Variants in SSBP2 observed in about 807,000 individuals in gnomAD.
The protein encoded by SSBP2 is single stranded DNA binding protein 2, also known as single-stranded DNA-binding protein 2.
In SSBP2, 17 loss-of-function variants were observed where a neutral mutation model predicts 61.8. The ratio of observed to expected loss-of-function variants is 0.28; its 90% CI spans 0.19 to 0.41. SSBP2 has a LOEUF of 0.41. SSBP2 is among the 10% of genes least tolerant of loss of function. SSBP2 has a pLI of 1.00. For missense variants in SSBP2, 310 were observed against 458.7 expected (o/e 0.68, Z 2.96); for synonymous variants, 139 against 141.3 (o/e 0.98, Z 0.12).
intron 4 of SSBP2, among the ~76,000 whole-genome samples, chr5:81,517,902 A>G (rs936200108): frequency 1.3e-5 from 2 of 152,156 alleles, no homozygotes; most frequent in Middle Eastern, 3.4e-3. Context: ...TCTGGTAGGG[A>G]AAAAAAGTTG....
At chr5:81,589,373 A>G (rs1581104821) in intron 4 of SSBP2, among the ~76,000 whole-genome samples, 1 of 152,224 alleles carries the variant, frequency 6.6e-6, no homozygotes, top group Non-Finnish European at 1.5e-5. Flanking sequence ...TTTAAAACCA[A>G]TAATAAAAAT....
intron 1 of SSBP2, among the ~76,000 whole-genome samples, chr5:81,712,398 G>C (rs1581400951): frequency 1.7e-4 from 1 of 5,980 alleles, no homozygotes; most frequent in South Asian, 5.1e-3. Context: ...TCAGGAGATC[G>C]AGACCATCCT....
chr5:81,592,215 G>T (rs981295261), intron 4 of SSBP2, among the ~76,000 whole-genome samples: 1 of 152,238 alleles, frequency 6.6e-6, no homozygotes, highest in African/African-American at 2.4e-5. Flanking sequence ...AGGGTCCTAC[G>T]CCCACAGAGT....
intron 1 of SSBP2, among the ~76,000 whole-genome samples, chr5:81,710,526 T>C (rs561095896): frequency 1.3e-5 from 2 of 152,178 alleles, no homozygotes; most frequent in Non-Finnish European, 2.9e-5. Context: ...CAATATATAC[T>C]GGTCTTTTAG....
At chr5:81,632,015 C>A (rs1747774479) in intron 3 of SSBP2, among the ~76,000 whole-genome samples, 1 of 152,140 alleles carries the variant, frequency 6.6e-6, no homozygotes, top group Admixed American at 6.5e-5. Flanking sequence ...GAGGGGAAAC[C>A]TCTACTTATA....
chr5:81,527,901 TA>T (rs57104850), intron 4 of SSBP2, among the ~76,000 whole-genome samples: 10,881 of 126,682 alleles, frequency 0.086, 386 homozygotes, highest in Admixed American at 0.11. Flanking sequence ...CTTAAAGTAG[TA>T]AAAAAAAAAA....
chr5:81,439,681 T>A (rs1253249173), intron 14 of SSBP2, among the ~76,000 whole-genome samples: 1 of 146,594 alleles, frequency 6.8e-6, no homozygotes, highest in Non-Finnish European at 1.5e-5. Context: ...TTTTTTTTTT[T>A]TTTTTTTTGA....
intron 3 of SSBP2, chr5:81,616,056 C>G (rs1254198221): frequency 1.3e-5 from 2 of 152,964 alleles, no homozygotes; most frequent in African/African-American, 4.8e-5. Flanking sequence ...CCCACAGTTA[C>G]CAAAATAGTT....
intron 1 of SSBP2, among the ~76,000 whole-genome samples, chr5:81,731,644 G>A (rs1756272823): frequency 6.6e-6 from 1 of 151,986 alleles, no homozygotes; most frequent in Non-Finnish European, 1.5e-5. Flanking sequence ...CTATAGAAGA[G>A]ATTATCATCC....
chr5:81,646,096 T>G (rs1346816351), intron 2 of SSBP2, among the ~76,000 whole-genome samples: 3 of 152,158 alleles, frequency 2.0e-5, no homozygotes, highest in Non-Finnish European at 2.9e-5. Context: ...ACATCTTGCT[T>G]GTTCAGATAA....
At chr5:81,631,378 G>A (rs2153658863) in intron 3 of SSBP2, among the ~76,000 whole-genome samples, 1 of 152,038 alleles carries the variant, frequency 6.6e-6, no homozygotes, top group South Asian at 2.1e-4. Flanking sequence ...GAAACCACGT[G>A]CATGGCACTC....
intron 1 of SSBP2, among the ~76,000 whole-genome samples, chr5:81,682,305 T>A (rs1752445643): frequency 1.3e-5 from 2 of 152,054 alleles, no homozygotes; most frequent in Admixed American, 6.6e-5. Context: ...AACAAAATAT[T>A]CAACAATGTA....
intron 1 of SSBP2, among the ~76,000 whole-genome samples, chr5:81,701,893 C>T (rs1034048916): frequency 1.3e-5 from 2 of 152,102 alleles, no homozygotes; most frequent in Non-Finnish European, 2.9e-5. Context: ...ACCCTGTTAA[C>T]CAACGATGCC....
chr5:81,442,791 G>C, intron 12 of SSBP2, 68 bp from the exon 13 acceptor site: 1 of 812,594 alleles, frequency 1.2e-6, no homozygotes, highest in South Asian at 1.8e-5. Context: ...ACAAAGTAAT[G>C]ATCAAAGATG....
intron 1 of SSBP2, among the ~76,000 whole-genome samples, chr5:81,663,369 CTTA>C (rs1293185073): frequency 1.3e-5 from 2 of 152,058 alleles, no homozygotes. Flanking sequence ...ATAAAATGGT[CTTA>C]TTTTTAATCC....
Position 81,443,203 on chromosome 5 carries a change from T to C in SSBP2, c.779-480A>G, listed in dbSNP as rs189476133. The C allele has an allele frequency of 4.6e-5, 7 of 152,250 alleles. No homozygotes were observed. In the South Asian group the frequency reaches 6.2e-4, roughly 14 times the overall value. 9.4% of individuals were successfully genotyped at this position (152,250 alleles called of 1,614,324 possible). A position where few individuals can be genotyped will look rare whatever the true frequency, so the allele number is the denominator to read the frequency against. On this transcript the variant is annotated intron_variant, in intron 12 of 16. Transcript: ENST00000320672. ...CTGGCTTAATTCCGAAAGAAAAAGATTAGAGTAAGAGTATACAATTAGAAT... is the reference window on the plus strand; with the variant it reads ...CTGGCTTAATTCCGAAAGAAAAAGACTAGAGTAAGAGTATACAATTAGAAT...
chr5:81,531,861 A>G (rs1424991841), intron 4 of SSBP2, among the ~76,000 whole-genome samples: 2 of 151,998 alleles, frequency 1.3e-5, no homozygotes, highest in African/African-American at 4.8e-5. Context: ...GGAAGAGGGC[A>G]CCTCTTCTGG....
chr5:81,745,703 G>A (rs1006265100), intron 1 of SSBP2, among the ~76,000 whole-genome samples: 2 of 151,954 alleles, frequency 1.3e-5, no homozygotes, highest in African/African-American at 4.8e-5. Context: ...TATATTCCTA[G>A]TAGTTCCATG....
chr5:81,566,388 CA>C (rs1773425868), intron 4 of SSBP2, among the ~76,000 whole-genome samples: 1 of 152,186 alleles, frequency 6.6e-6, no homozygotes, highest in African/African-American at 2.4e-5. Context: ...ATAAGTCTCA[CA>C]AGACCTGACA....
Sources: allele counts gnomAD v4.1 joint callset (sites outside exome capture counted in the v4.1 genomes callset), GRCh38; gene constraint gnomAD v4.1.1; transcripts MANE v1.5; gene names NCBI Gene and HGNC (gene_info 2026-07-23, HGNC 2026-07-21).